The following MGAT4C variants were observed in gnomAD, a reference collection of about 807,000 sequenced individuals.
MGAT4C encodes the protein alpha-1,3-mannosyl-glycoprotein 4-beta-N-acetylglucosaminyltransferase C.
MGAT4C carries 19 observed loss-of-function variants against 40.1 expected under a neutral mutation model. That is an observed-to-expected ratio of 0.47 (90% CI 0.33 to 0.70). The LOEUF is 0.70. Ranked by LOEUF, MGAT4C falls within the 30% of genes least tolerant of loss-of-function variation. MGAT4C has a pLI of 0.02. For missense variants in MGAT4C, 491 were observed against 563.2 expected (o/e 0.87, Z 1.30); for synonymous variants, 181 against 187.1 (o/e 0.97, Z 0.27).
intron 4 of MGAT4C, among the ~76,000 whole-genome samples, chr12:86,314,044 C>T (rs1954139416): frequency 6.6e-6 from 1 of 152,152 alleles, no homozygotes; most frequent in South Asian, 2.1e-4. Flanking sequence ...TGTTCTGTAT[C>T]AATGGAAATG....
At chr12:86,250,555 C>G (rs1053219797) in intron 1 of MGAT4C, among the ~76,000 whole-genome samples, 1 of 152,018 alleles carries the variant, frequency 6.6e-6, no homozygotes, top group African/African-American at 2.4e-5. Context: ...ATAAAACTTT[C>G]ATAACTCCAG....
intron 1 of MGAT4C, among the ~76,000 whole-genome samples, chr12:86,062,845 A>G (rs1894131346): frequency 6.6e-6 from 1 of 152,012 alleles, no homozygotes; most frequent in Admixed American, 6.6e-5. Flanking sequence ...AAAAGAACAA[A>G]CAAAGCCTCG....
At chr12:86,032,525 C>G (rs1490024374) in intron 2 of MGAT4C, among the ~76,000 whole-genome samples, 2 of 149,654 alleles carry the variant, frequency 1.3e-5, no homozygotes, top group African/African-American at 4.9e-5. Flanking sequence ...TAATGTTGAG[C>G]ATTTTTTCAT....
At chr12:86,108,004 T>G (rs1876528194) in intron 1 of MGAT4C, among the ~76,000 whole-genome samples, 1 of 152,086 alleles carries the variant, frequency 6.6e-6, no homozygotes, top group African/African-American at 2.4e-5. Context: ...CTGATGATGT[T>G]TTTTTCCCTG....
chr12:86,429,314 T>C (rs891373074), intron 3 of MGAT4C, among the ~76,000 whole-genome samples: 1 of 152,200 alleles, frequency 6.6e-6, no homozygotes, highest in Non-Finnish European at 1.5e-5. Flanking sequence ...CAATTGTGTT[T>C]AGAAAATATA....
In MGAT4C at chr12:86,522,684, CTT is replaced by C. The variant is rs368019328; in HGVS notation, c.-228-87421_-228-87420del. Among the ~76,000 whole-genome samples, 499 of 152,240 alleles carry C rather than the reference CTT, an allele frequency of 3.3e-3. 1 individual carries two copies. The highest frequency in any genetic ancestry group is 0.012 in the African/African-American group (482 of 41,542). On this transcript the variant is annotated intron_variant, in intron 2 of 7. Coordinates refer to the MGAT4C transcript ENST00000548651. ...TTCAGCAGGAACGGTACCAGCTCCT[CTT>C]TGTACATCTGGTAAAATTCAGTAGT...
intron 1 of MGAT4C, among the ~76,000 whole-genome samples, chr12:86,122,948 G>T (rs839173): frequency 0.62 from 93,820 of 151,984 alleles, 29,551 homozygotes; most frequent in East Asian, 0.93. Flanking sequence ...CATTGATAGC[G>T]GCATTAAAAT....
chr12:86,701,405 A>ATGACCTT (rs1217886939), intron 2 of MGAT4C, among the ~76,000 whole-genome samples: 101 of 152,250 alleles, frequency 6.6e-4, no homozygotes, highest in African/African-American at 2.2e-3. Flanking sequence ...TCTCTGATCA[A>ATGACCTT]TGATCTTTGA....
intron 2 of MGAT4C, among the ~76,000 whole-genome samples, chr12:86,509,789 T>G (rs1430648170): frequency 6.6e-6 from 1 of 152,300 alleles, no homozygotes; most frequent in Admixed American, 6.5e-5. Context: ...CCCTTGTAAG[T>G]TGGATTCCTA....
rs1310877785 is a variant in MGAT4C at position 86,248,310 on chromosome 12, G to A, written c.-57+7929C>T. Among the ~76,000 whole-genome samples the A allele has an allele frequency of 4.0e-5, 6 of 151,248 alleles. No homozygotes were observed. In the Admixed American group the frequency reaches 4.0e-4, roughly 10 times the overall value. ...TGCAGAGCACTTTGCTAGGCCATAG[G>A]TATTCAGAAAAGAATTAGGGAGAAT... On this transcript the variant is annotated intron_variant, in intron 1 of 4. Coordinates refer to ENST00000611864, the MANE Select transcript of MGAT4C (RefSeq NM_001351288.2).
chr12:85,963,654 A>C lies in MGAT4C; in HGVS notation c.*15635T>G, dbSNP rs1157331145. 6.6e-6 allele frequency: 1 copy of C among 152,000 alleles called. No individual in the cohort carries two copies. Among genetic ancestry groups the C allele is most frequent in the Non-Finnish European group, 1.5e-5 (1 of 67,922 alleles). The allele number at this position is 152,000 out of a possible 1,614,324, so 9.4% of individuals were successfully genotyped here. A position where few individuals can be genotyped will look rare whatever the true frequency, so the allele number is the denominator to read the frequency against. On this transcript the variant is annotated 3_prime_UTR_variant, in exon 5 of 5. Coordinates refer to ENST00000611864, the MANE Select transcript of MGAT4C (RefSeq NM_001351288.2). ...ATCAATGAACAATAGCCATTGAAAA[A>C]ATCTGAACAGATATTATTGAGGCTC...
At chr12:86,019,125 G>A (rs1224436666) in intron 2 of MGAT4C, among the ~76,000 whole-genome samples, 1 of 152,020 alleles carries the variant, frequency 6.6e-6, no homozygotes, top group Non-Finnish European at 1.5e-5. Context: ...GAATTAACTC[G>A]TTCTGAGAAA....
In MGAT4C at chr12:86,731,891, T is replaced by C. The variant is rs572783887; in HGVS notation, c.-261-4650A>G. Among the ~76,000 whole-genome samples, 4 of 152,212 alleles carry C rather than the reference T, an allele frequency of 2.6e-5. No homozygotes were observed. In the East Asian group the frequency reaches 7.7e-4, roughly 29 times the overall value. On this transcript the variant is annotated intron_variant, in intron 1 of 7. Coordinates refer to the MGAT4C transcript ENST00000548651. ...CTGTTTTTTAGCTAGAAGCATTACT[T>C]TTTTCCCCCTTCATTCAGCACTAGA...
chr12:86,060,775 T>C (rs1036312571), intron 1 of MGAT4C, among the ~76,000 whole-genome samples: 2 of 152,154 alleles, frequency 1.3e-5, no homozygotes, highest in African/African-American at 4.8e-5. Context: ...CAGGAATTAG[T>C]TGTAAGGAGT....
At chr12:86,244,328 T>C (rs1486352065) in intron 1 of MGAT4C, among the ~76,000 whole-genome samples, 1 of 152,088 alleles carries the variant, frequency 6.6e-6, no homozygotes, top group Non-Finnish European at 1.5e-5. Context: ...CCAACACCAT[T>C]GGGGCAGGAG....
chr12:86,466,068 G>T (rs543307534), intron 2 of MGAT4C, among the ~76,000 whole-genome samples: 3 of 152,086 alleles, frequency 2.0e-5, no homozygotes, highest in African/African-American at 7.2e-5. Context: ...AATCAGCCAG[G>T]CGTGGTGGCA....
chr12:86,805,873 C>A (rs1384231609), intron 1 of MGAT4C, among the ~76,000 whole-genome samples: 1 of 151,926 alleles, frequency 6.6e-6, no homozygotes, highest in Admixed American at 6.6e-5. Flanking sequence ...TGCAGCCTTG[C>A]CAGCATCTTT....
intron 1 of MGAT4C, among the ~76,000 whole-genome samples, chr12:86,060,520 A>G (rs1162946775): frequency 1.3e-5 from 2 of 152,172 alleles, no homozygotes; most frequent in Non-Finnish European, 2.9e-5. Flanking sequence ...GAAATAATTA[A>G]TTCATACAAT....
intron 1 of MGAT4C, among the ~76,000 whole-genome samples, chr12:86,087,049 C>A (rs1871985594): frequency 6.6e-6 from 1 of 152,094 alleles, no homozygotes; most frequent in Non-Finnish European, 1.5e-5. Context: ...ATATACCCCA[C>A]ATTTTCTTTA....
Sources: allele counts gnomAD v4.1 joint callset (sites outside exome capture counted in the v4.1 genomes callset), GRCh38; gene constraint gnomAD v4.1.1; transcripts MANE v1.5; gene names NCBI Gene and HGNC (gene_info 2026-07-23, HGNC 2026-07-21).